HS3ST5: variants seen among roughly 807,000 people sequenced by gnomAD.
HS3ST5 encodes heparan sulfate glucosamine 3-O-sulfotransferase 5.
In HS3ST5, 10 loss-of-function variants were observed where a neutral mutation model predicts 25.4. The ratio of observed to expected loss-of-function variants is 0.39; its 90% CI spans 0.24 to 0.67. HS3ST5 has a LOEUF of 0.67. Ranked by LOEUF, HS3ST5 falls within the 30% of genes least tolerant of loss-of-function variation. The probability of loss-of-function intolerance (pLI) is 0.44; values close to 1 mark genes in which losing one functional copy is unlikely to be tolerated. For synonymous variants in HS3ST5, 170 were observed against 162.4 expected (o/e 1.05, Z -0.36); for missense variants, 324 against 420.7 (o/e 0.77, Z 2.01).
intron 1 of HS3ST5, among the ~76,000 whole-genome samples, chr6:114,247,761 A>AT (rs1179442753): frequency 6.6e-6 from 1 of 150,686 alleles, no homozygotes; most frequent in Non-Finnish European, 1.5e-5. Flanking sequence ...TAATATCCAT[A>AT]TTTTTTCTGT....
At chr6:114,100,690 A>G (rs953513748) in intron 3 of HS3ST5, among the ~76,000 whole-genome samples, 1 of 152,184 alleles carries the variant, frequency 6.6e-6, no homozygotes, top group African/African-American at 2.4e-5. Flanking sequence ...CACCACTTAC[A>G]GCCAATTGAC....
chr6:114,264,878 T>C (rs1247472553), intron 1 of HS3ST5, among the ~76,000 whole-genome samples: 1 of 151,916 alleles, frequency 6.6e-6, no homozygotes, highest in African/African-American at 2.4e-5. Context: ...GAGCAAGAGT[T>C]GGGGTTTGTT....
intron 3 of HS3ST5, among the ~76,000 whole-genome samples, chr6:114,081,305 G>A (rs749196729): frequency 7.2e-5 from 11 of 152,210 alleles, no homozygotes; most frequent in Non-Finnish European, 1.5e-5. Context: ...CATGCCTTTG[G>A]AGAAATGCTG....
At chr6:114,182,551 T>G (rs1006110867) in intron 2 of HS3ST5, among the ~76,000 whole-genome samples, 2 of 152,148 alleles carry the variant, frequency 1.3e-5, no homozygotes, top group Admixed American at 6.5e-5. Flanking sequence ...ATAGGAAGAT[T>G]AGAGCACTGA....
chr6:114,341,421 C>T (rs1776865753), intron 1 of HS3ST5, among the ~76,000 whole-genome samples: 1 of 152,112 alleles, frequency 6.6e-6, no homozygotes, highest in African/African-American at 2.4e-5. Flanking sequence ...CTTGGAACCT[C>T]CAGGTAAAGA....
At chr6:114,300,037 T>C (rs1361714596) in intron 1 of HS3ST5, among the ~76,000 whole-genome samples, 1 of 151,790 alleles carries the variant, frequency 6.6e-6, no homozygotes, top group African/African-American at 2.4e-5. Flanking sequence ...GGAAAAATTA[T>C]GCAAGTCTAA....
chr6:114,121,475 CA>C (rs1266650141), intron 3 of HS3ST5, among the ~76,000 whole-genome samples: 1 of 151,318 alleles, frequency 6.6e-6, no homozygotes, highest in Non-Finnish European at 1.5e-5. Context: ...TCTTAATAAG[CA>C]AAAAAAGGAA....
At chr6:114,253,910 G>A (rs1772780644) in intron 1 of HS3ST5, among the ~76,000 whole-genome samples, 1 of 152,088 alleles carries the variant, frequency 6.6e-6, no homozygotes, top group Non-Finnish European at 1.5e-5. Context: ...TGTTCTCTCT[G>A]GCTCTTTTGA....
At chr6:114,257,608 C>T (rs760783597) in intron 1 of HS3ST5, among the ~76,000 whole-genome samples, 2 of 152,156 alleles carry the variant, frequency 1.3e-5, no homozygotes, top group Non-Finnish European at 2.9e-5. Flanking sequence ...ACTAAGAATA[C>T]CCTGGTTGAG....
chr6:114,057,774 G>A lies in HS3ST5; in HGVS notation c.524C>T (p.Ser175Phe), dbSNP rs866108296. The A allele has an allele frequency of 6.2e-7, 1 of 1,614,126 alleles. No homozygotes were observed. Among genetic ancestry groups the A allele is most frequent in the Non-Finnish European group, 8.5e-7 (1 of 1,180,020 alleles). ...CCTGACAATGATCAACAACTTGATG[G>A]ATGAGTTCATTTTGTAAATCCTTTC... The part of the protein sequence containing the change: ...VPERIYKMNS[S>F]IKLLIIVREP... Residue 175 changes from serine to phenylalanine, a missense_variant, in exon 5 of 5, where the codon TCC becomes TTC. Ser to Phe is a radical substitution (Grantham distance 155, BLOSUM62 -2). Transcript: ENST00000312719.
chr6:114,057,839 A>C lies in HS3ST5; in HGVS notation c.459T>G (p.Ile153Met). ...MPFSYPQQITIEKSPAYFITE... is the reference protein window; with the variant it reads ...MPFSYPQQITMEKSPAYFITE... ...TGATAAAATATGCTGGGCTCTTTTC[A>C]ATTGTGATTTGCTGAGGGTAGGAAA... The change falls in exon 5 of 5, where the codon ATT becomes ATG. Residue 153 changes from isoleucine to methionine, a missense_variant. By Grantham distance (10) the Ile-to-Met change is conservative (BLOSUM62 1). Coordinates refer to ENST00000312719, the MANE Select transcript of HS3ST5 (RefSeq NM_153612.4). The C allele has an allele frequency of 6.2e-7, 1 of 1,614,032 alleles. No individual in the cohort carries two copies. Among genetic ancestry groups the C allele is most frequent in the Non-Finnish European group, 8.5e-7 (1 of 1,180,006 alleles).
At chr6:114,249,226 G>C (rs1221815459) in intron 1 of HS3ST5, among the ~76,000 whole-genome samples, 1 of 152,108 alleles carries the variant, frequency 6.6e-6, no homozygotes, top group Non-Finnish European at 1.5e-5. Flanking sequence ...TTTATTAATA[G>C]AGATTCAGCA....
chr6:114,341,258 A>AGAGAGAGT (rs1562281461), intron 1 of HS3ST5, among the ~76,000 whole-genome samples: 2 of 147,844 alleles, frequency 1.4e-5, no homozygotes, highest in African/African-American at 5.0e-5. Context: ...AGAGAGAGAG[A>AGAGAGAGT]GAGTGAGTCC....
intron 3 of HS3ST5, among the ~76,000 whole-genome samples, chr6:114,087,947 G>C (rs1035308205): frequency 3.9e-5 from 6 of 152,208 alleles, no homozygotes; most frequent in Middle Eastern, 3.4e-3. Context: ...GTCTAATATG[G>C]TAGTCACTAG....
chr6:114,330,657 G>C (rs1465092020), intron 1 of HS3ST5, among the ~76,000 whole-genome samples: 2 of 152,146 alleles, frequency 1.3e-5, no homozygotes, highest in Non-Finnish European at 2.9e-5. Flanking sequence ...TTTCTGCACT[G>C]TACTCCCTTT....
chr6:114,148,972 A>G (rs1436896004), intron 3 of HS3ST5, among the ~76,000 whole-genome samples: 2 of 152,214 alleles, frequency 1.3e-5, no homozygotes, highest in Non-Finnish European at 2.9e-5. Context: ...GCAAACAAAC[A>G]TGAAAGAAAG....
chr6:114,072,622 C>G (rs959488615), intron 3 of HS3ST5, among the ~76,000 whole-genome samples: 1 of 152,100 alleles, frequency 6.6e-6, no homozygotes, highest in Non-Finnish European at 1.5e-5. Flanking sequence ...ATCTTGGTAG[C>G]TTAAGATTTC....
At chr6:114,122,617 G>A (rs1337593358) in intron 3 of HS3ST5, among the ~76,000 whole-genome samples, 1 of 152,120 alleles carries the variant, frequency 6.6e-6, no homozygotes, top group Non-Finnish European at 1.5e-5. Context: ...TTCAAGATTG[G>A]AAGAGAATAA....
At chr6:114,274,313 G>A (rs964525688) in intron 1 of HS3ST5, among the ~76,000 whole-genome samples, 11 of 152,022 alleles carry the variant, frequency 7.2e-5, no homozygotes, top group African/African-American at 2.2e-4. Flanking sequence ...GGCTGATGAC[G>A]GACTCAGGAA....
Sources: allele counts gnomAD v4.1 joint callset (sites outside exome capture counted in the v4.1 genomes callset), GRCh38; gene constraint gnomAD v4.1.1; transcripts MANE v1.5; gene names NCBI Gene and HGNC (gene_info 2026-07-23, HGNC 2026-07-21).